PTBP2: variants seen among roughly 807,000 people sequenced by gnomAD.
The protein encoded by PTBP2 is polypyrimidine tract-binding protein 2.
Under a neutral mutation model 61.4 loss-of-function variants are expected in PTBP2, and 13 were observed. The observed-to-expected ratio is 0.21, with a 90% CI of 0.14 to 0.34. The LOEUF is 0.34. Ranked by LOEUF, PTBP2 falls within the 10% of genes least tolerant of loss-of-function variation. The pLI is 1.00. For synonymous variants in PTBP2, 215 were observed against 218.5 expected (o/e 0.98, Z 0.14); for missense variants, 405 against 642.6 (o/e 0.63, Z 4.00).
intron 8 of PTBP2, among the ~76,000 whole-genome samples, chr1:96,791,265 G>T (rs922490937): frequency 6.6e-6 from 1 of 152,222 alleles, no homozygotes; most frequent in Non-Finnish European, 1.5e-5. Context: ...TATTGCAGTA[G>T]TGAGGTAATA....
intron 7 of PTBP2, among the ~76,000 whole-genome samples, chr1:96,783,459 A>C (rs556108237): frequency 6.6e-6 from 1 of 152,170 alleles, no homozygotes; most frequent in African/African-American, 2.4e-5. Flanking sequence ...ATAATTTGGC[A>C]GTCGGACCTC....
intron 2 of PTBP2, among the ~76,000 whole-genome samples, chr1:96,727,891 A>T (rs1391659234): frequency 3.9e-5 from 6 of 152,014 alleles, no homozygotes; most frequent in African/African-American, 1.5e-4. Context: ...CCAGTTTACC[A>T]ATTTTTTCTT....
At chr1:96,822,907 A>G (rs1017280426) in exon 14 of PTBP2, 4 of 152,056 alleles carry the variant, frequency 2.6e-5, no homozygotes, top group Admixed American at 6.6e-5. Flanking sequence ...ATGGATATAT[A>G]TCCTTAGAAA....
chr1:96,727,559 T>A (rs1225376325), intron 2 of PTBP2, among the ~76,000 whole-genome samples: 1 of 152,204 alleles, frequency 6.6e-6, no homozygotes, highest in Non-Finnish European at 1.5e-5. Flanking sequence ...TTAATGCCTG[T>A]TATCTTCTGT....
At chr1:96,733,539 A>G (rs1418816524) in intron 2 of PTBP2, among the ~76,000 whole-genome samples, 1 of 151,928 alleles carries the variant, frequency 6.6e-6, no homozygotes, top group East Asian at 1.9e-4. Flanking sequence ...AATTAGATAG[A>G]TCTGGTGGCA....
Position 96,770,867 on chromosome 1 carries a change from T to C in PTBP2, c.432+16T>C. 6.5e-7 allele frequency: 1 copy of C among 1,541,872 alleles called. No homozygotes were observed. Among genetic ancestry groups the C allele is most frequent in the Non-Finnish European group, 9.0e-7 (1 of 1,116,106 alleles). Reference sequence around the variant, plus strand: ...ATTAAACCAAGTAAGTATGTGTAGGTACATAAATAAAATGGCCTAGAACAT... The same window carrying C: ...ATTAAACCAAGTAAGTATGTGTAGGCACATAAATAAAATGGCCTAGAACAT... On this transcript the variant is annotated intron_variant, in intron 5 of 13. Transcript: ENST00000674951.
chr1:96,726,421 C>T (rs900581007), intron 2 of PTBP2, among the ~76,000 whole-genome samples: 1 of 148,734 alleles, frequency 6.7e-6, no homozygotes, highest in Non-Finnish European at 1.5e-5. Flanking sequence ...TACAGGCACA[C>T]GCCGCCATGC....
At chr1:96,780,338 G>A (rs273870) in intron 7 of PTBP2, among the ~76,000 whole-genome samples, 87,770 of 151,328 alleles carry the variant, frequency 0.58, 26,060 homozygotes, top group African/African-American at 0.71. Context: ...ATAACTCTAC[G>A]TACTTTCTAT....
chr1:96,762,552 C>T (rs1214830179), intron 3 of PTBP2, among the ~76,000 whole-genome samples: 1 of 145,360 alleles, frequency 6.9e-6, no homozygotes, highest in Admixed American at 6.8e-5. Flanking sequence ...GGCTGACCCC[C>T]CGACCTCCTT....
intron 7 of PTBP2, among the ~76,000 whole-genome samples, chr1:96,783,994 A>T (rs2101068276): frequency 6.6e-6 from 1 of 152,234 alleles, no homozygotes; most frequent in South Asian, 2.1e-4. Context: ...TCCATAAAAA[A>T]ATTCGTATAT....
chr1:96,725,779 G>A (rs967292989), intron 2 of PTBP2, among the ~76,000 whole-genome samples: 1 of 151,938 alleles, frequency 6.6e-6, no homozygotes, highest in Admixed American at 6.6e-5. Context: ...TGATGCATGT[G>A]CATATTTAAA....
chr1:96,819,263 A>G (rs1429668581), downstream of PTBP2: 1 of 152,038 alleles, frequency 6.6e-6, no homozygotes, highest in Admixed American at 6.6e-5. Flanking sequence ...AGCCTTACTG[A>G]ATGATGACTG....
At chr1:96,791,509 G>T (rs1659789006) in intron 8 of PTBP2, among the ~76,000 whole-genome samples, 1 of 152,112 alleles carries the variant, frequency 6.6e-6, no homozygotes, top group Non-Finnish European at 1.5e-5. Context: ...TATTTTCATG[G>T]TTTAGTAAGG....
At chr1:96,815,387 A>G (rs557463535), downstream of PTBP2, 1 of 152,314 alleles carries the variant, frequency 6.6e-6, no homozygotes, top group Non-Finnish European at 1.5e-5. Flanking sequence ...ATATCAGCAT[A>G]TCTGCTTTTG....
rs920389802 is a variant in PTBP2, at chr1:96,814,183, A to C, written c.*778A>C. On this transcript the variant is annotated 3_prime_UTR_variant, in exon 14 of 14. Transcript: ENST00000674951. The stretch of plus-strand genomic sequence containing the variant: ...ATCATATAAATGTCAGCACTAAGTA[A>C]TGTCTTGTTTGTGGCTGAATATTTT... 2 of 152,492 alleles carry C rather than the reference A, an allele frequency of 1.3e-5. No individual in the cohort carries two copies. Among genetic ancestry groups the C allele is most frequent in the Non-Finnish European group, 2.9e-5 (2 of 67,948 alleles). 9.4% of individuals were successfully genotyped at this position (152,492 alleles called of 1,614,324 possible).
intron 3 of PTBP2, among the ~76,000 whole-genome samples, chr1:96,760,169 C>T (rs1350712188): frequency 6.7e-6 from 1 of 149,552 alleles, no homozygotes; most frequent in Non-Finnish European, 1.5e-5. Context: ...TCCCAAAGGA[C>T]TTGTAAAAAA....
intron 8 of PTBP2, among the ~76,000 whole-genome samples, chr1:96,797,457 G>A (rs1660507901): frequency 6.6e-6 from 1 of 152,118 alleles, no homozygotes; most frequent in Non-Finnish European, 1.5e-5. Context: ...GAAGAGGATT[G>A]AATTGTTTCA....
intron 2 of PTBP2, among the ~76,000 whole-genome samples, chr1:96,730,520 G>A (rs1263266183): frequency 2.0e-5 from 3 of 152,008 alleles, no homozygotes; most frequent in African/African-American, 4.8e-5. Context: ...TTTCTGTTAT[G>A]TATTCATAAT....
At chr1:96,722,848 T>G (rs953067837) in intron 1 of PTBP2, among the ~76,000 whole-genome samples, 2 of 152,192 alleles carry the variant, frequency 1.3e-5, no homozygotes, top group Non-Finnish European at 2.9e-5. Context: ...GCTCATATGC[T>G]TCACACCTGA....
Sources: allele counts gnomAD v4.1 joint callset (sites outside exome capture counted in the v4.1 genomes callset), GRCh38; gene constraint gnomAD v4.1.1; transcripts MANE v1.5; gene names NCBI Gene and HGNC (gene_info 2026-07-23, HGNC 2026-07-21).